Variants in TEX9 observed in about 807,000 individuals in gnomAD.
The protein encoded by TEX9 is testis expressed 9, also known as testis-expressed protein 9.
Under a neutral mutation model 59.6 loss-of-function variants are expected in TEX9, and 74 were observed. The ratio of observed to expected loss-of-function variants is 1.24; its 90% CI spans 1.03 to 1.51. The LOEUF is 1.51. Ranked by LOEUF, TEX9 falls within the 40% of genes most tolerant of loss-of-function variation. The pLI, the probability that TEX9 is intolerant of heterozygous loss-of-function variation, is 0.00. For synonymous variants in TEX9, 186 were observed against 152.2 expected (o/e 1.22, Z -1.64); for missense variants, 522 against 447.8 (o/e 1.17, Z -1.49).
chr15:56,429,270 A>G, intron 12 of TEX9: 1 of 870,288 alleles, frequency 1.1e-6, no homozygotes, highest in Non-Finnish European at 1.8e-6. Flanking sequence ...TGACAGACAT[A>G]AGATTAGTAA....
chr15:56,391,165 C>T, intron 6 of TEX9, 78 bp from the exon 7 acceptor site: 1 of 859,402 alleles, frequency 1.2e-6, no homozygotes, highest in Non-Finnish European at 1.6e-6. Context: ...GGGTAAAAGG[C>T]ATATATCCTG....
chr15:56,360,920 T>C (rs1242312158), upstream of TEX9, among the ~76,000 whole-genome samples: 1 of 152,206 alleles, frequency 6.6e-6, no homozygotes, highest in Non-Finnish European at 1.5e-5. Context: ...GAAACTCCAA[T>C]AGAGGCTCTA....
chr15:56,439,061 A>T (rs1431806407), intron 12 of TEX9, among the ~76,000 whole-genome samples: 3 of 152,150 alleles, frequency 2.0e-5, no homozygotes, highest in African/African-American at 7.2e-5. Context: ...AGGGAAAAAA[A>T]ATCCTACAGC....
chr15:56,427,567 A>G (rs1466163589), intron 10 of TEX9, 38 bp from the exon 11 acceptor site: 5 of 1,358,412 alleles, frequency 3.7e-6, no homozygotes, highest in African/African-American at 1.5e-5. Context: ...TTGAGGCTGT[A>G]TATTAAAAAT....
intron 1 of TEX9, among the ~76,000 whole-genome samples, chr15:56,307,004 T>G (rs1192128275): frequency 1.3e-5 from 2 of 152,176 alleles, no homozygotes; most frequent in African/African-American, 4.8e-5. Context: ...ATATCCAGGG[T>G]AGTTTAAAAT....
At chr15:56,379,858 CTT>C (rs35913300) in intron 3 of TEX9, among the ~76,000 whole-genome samples, 5 of 144,948 alleles carry the variant, frequency 3.4e-5, no homozygotes, top group Admixed American at 6.8e-5. Flanking sequence ...GGTTCTCCTG[CTT>C]TTTTTTTTTG....
rs2044434274 is a variant in TEX9 at position 56,268,149 on chromosome 15, GC to G, written c.-107+23872del. ...TTGTCTGTTATTGGTGTATAGGAAT[GC>G]TTGTGATTTTTGCACAATGATTTTG... On this transcript the variant is annotated intron_variant, in intron 1 of 5. Coordinates refer to the TEX9 transcript ENST00000560827. Among the ~76,000 whole-genome samples the G allele has an allele frequency of 2.6e-5, 4 of 152,166 alleles. No homozygotes were observed. In the South Asian group the frequency reaches 8.3e-4, roughly 32 times the overall value.
intron 3 of TEX9, among the ~76,000 whole-genome samples, chr15:56,380,553 T>G (rs1200983215): frequency 6.6e-6 from 1 of 151,702 alleles, no homozygotes; most frequent in East Asian, 1.9e-4. Flanking sequence ...AACATCCTTT[T>G]CTTTTAGATT....
At chr15:56,324,805 T>A (rs1270242084) in intron 1 of TEX9, among the ~76,000 whole-genome samples, 1 of 152,186 alleles carries the variant, frequency 6.6e-6, no homozygotes, top group Non-Finnish European at 1.5e-5. Flanking sequence ...AGTTACTTGC[T>A]CTAGCATTTA....
In TEX9 at chr15:56,275,344, A is replaced by G. The variant is rs1392989227; in HGVS notation, c.-107+31066A>G. 2.0e-5 allele frequency among the ~76,000 whole-genome samples: 3 copies of G among 152,130 alleles called. No individual in the cohort carries two copies. In the East Asian group the frequency reaches 5.8e-4, roughly 29 times the overall value. ...AGCATAGCATGATCTCTTTCCCACA[A>G]CTTGGTTACTACCATTTTCTAAGGC... On this transcript the variant is annotated intron_variant, in intron 1 of 5. Coordinates refer to the TEX9 transcript ENST00000560827.
At chr15:56,375,271 G>A (rs1431785429) in intron 3 of TEX9, among the ~76,000 whole-genome samples, 1 of 152,132 alleles carries the variant, frequency 6.6e-6, no homozygotes, top group Non-Finnish European at 1.5e-5. Context: ...GCCAGTGATG[G>A]TGAGCATTTT....
the TEX9 span, among the ~76,000 whole-genome samples, chr15:56,456,099 G>T: frequency 6.6e-6 from 1 of 151,986 alleles, no homozygotes; most frequent in South Asian, 2.1e-4. Flanking sequence ...ATTACCTAAG[G>T]TTTCTCTTAA....
intron 1 of TEX9, among the ~76,000 whole-genome samples, chr15:56,335,480 G>T (rs1011926950): frequency 1.3e-5 from 2 of 152,158 alleles, no homozygotes; most frequent in Non-Finnish European, 2.9e-5. Context: ...ATAGAGAATA[G>T]AAGGGTGGTT....
intron 9 of TEX9, chr15:56,408,501 C>T (rs1177621762): frequency 6.6e-6 from 1 of 152,064 alleles, no homozygotes; most frequent in Non-Finnish European, 1.5e-5. Flanking sequence ...CTTTATATAC[C>T]ATCTATATAT....
intron 10 of TEX9, 32 bp from the exon 11 acceptor site, chr15:56,427,571 TAA>T: frequency 7.1e-7 from 1 of 1,408,256 alleles, no homozygotes; most frequent in South Asian, 1.4e-5. Context: ...GGCTGTATAT[TAA>T]AAATATATGG....
At chr15:56,342,379 C>G (rs1365871188) in intron 1 of TEX9, among the ~76,000 whole-genome samples, 1 of 151,978 alleles carries the variant, frequency 6.6e-6, no homozygotes, top group Non-Finnish European at 1.5e-5. Flanking sequence ...AATTCAGCCC[C>G]AAAACAACTG....
chr15:56,328,665 G>A (rs2046078187), intron 1 of TEX9, among the ~76,000 whole-genome samples: 1 of 152,194 alleles, frequency 6.6e-6, no homozygotes, highest in African/African-American at 2.4e-5. Context: ...AGGACCTGTG[G>A]TAGTAGTGGC....
In TEX9 at chr15:56,387,959, C is replaced by A. The variant is rs142305810; in HGVS notation, c.264-513C>A. Among the ~76,000 whole-genome samples, 1,463 of 152,074 alleles carry A rather than the reference C, an allele frequency of 9.6e-3. 19 individuals carry two copies. The highest frequency in any genetic ancestry group is 0.033 in the African/African-American group (1,387 of 41,510). On this transcript the variant is annotated intron_variant, in intron 4 of 12. Coordinates refer to ENST00000352903, the Ensembl canonical transcript of TEX9. ...TACGTGTATTTATTCATGCACTCAA[C>A]AAATACTTACGCCAGTAGTACCTGG...
intron 1 of TEX9, among the ~76,000 whole-genome samples, chr15:56,358,339 G>GTTT (rs34048615): frequency 2.8e-5 from 4 of 144,380 alleles, no homozygotes; most frequent in Admixed American, 6.9e-5. Context: ...GCATAGATAA[G>GTTT]TTTTTTTTTT....
Sources: gnomAD v4.1 joint callset for allele counts (sites outside exome capture counted in the v4.1 genomes callset) on GRCh38, gnomAD v4.1.1 for gene constraint, MANE v1.5 for transcripts, NCBI Gene and HGNC (gene_info 2026-07-23, HGNC 2026-07-21) for gene names.